COL16A1: variants seen among roughly 807,000 people sequenced by gnomAD.
COL16A1 encodes collagen type XVI alpha 1 chain, also known as collagen alpha-1(XVI) chain.
Under a neutral mutation model 266.3 loss-of-function variants are expected in COL16A1, and 189 were observed. That is an observed-to-expected ratio of 0.71 (90% CI 0.63 to 0.80). COL16A1 has a LOEUF of 0.80. Ranked by LOEUF, COL16A1 falls within the 30% of genes least tolerant of loss-of-function variation. The pLI is 0.00. For synonymous variants in COL16A1, 740 were observed against 782.3 expected (o/e 0.95, Z 0.90); for missense variants, 1,928 against 2,122.4 (o/e 0.91, Z 1.80).
At chr1:31,696,162 G>A in intron 8 of COL16A1, 21 bp from the exon 9 acceptor site, 1 of 1,612,770 alleles carries the variant, frequency 6.2e-7, no homozygotes, top group Non-Finnish European at 8.5e-7. Flanking sequence ...AGAGCAAAGA[G>A]AAACCCTTGA....
At position 31,702,286 on chromosome 1, in the gene COL16A1, C is replaced by T. The variant is rs573978196; in HGVS notation, c.-34-59G>A. 1.1e-5 allele frequency: 18 copies of T among 1,569,428 alleles called. No homozygotes were observed. In the East Asian group the frequency reaches 2.1e-4, roughly 18 times the overall value. On this transcript the variant is annotated intron_variant, in intron 1 of 70. Transcript: ENST00000373672. ...TGAGTTCACACAGCACAACTCCACA[C>T]GTGGGCAAGTCGTGGACAGCCTGTG... is the stretch of plus-strand genomic sequence containing the variant.
chr1:31,692,210 G>C (rs1644302211), intron 16 of COL16A1, 143 bp from the exon 17 acceptor site: 1 of 1,340,832 alleles, frequency 7.5e-7, no homozygotes, highest in Non-Finnish European at 1.0e-6. Flanking sequence ...CACCACGGGA[G>C]GGTAGACAAC....
At chr1:31,672,283 C>G (rs527456599) in intron 47 of COL16A1, 133 bp downstream of exon 47, 2 of 969,360 alleles carry the variant, frequency 2.1e-6, no homozygotes, top group South Asian at 3.2e-5. Flanking sequence ...AGAGAAGCCA[C>G]GTGCCAGGAG....
At position 31,698,298 on chromosome 1, in the gene COL16A1, G is replaced by C. The variant is rs115906776; in HGVS notation, c.391-126C>G. Reference sequence around the variant, plus strand: ...TGAGGCCCAGAAAGAGAAGAAAGCCGGCTGGGGTCAAGGAGCTATACATCC... The same window carrying C: ...TGAGGCCCAGAAAGAGAAGAAAGCCCGCTGGGGTCAAGGAGCTATACATCC... On this transcript the variant is annotated intron_variant, in intron 5 of 70. Transcript: ENST00000373672. This position sits in a 1 kb window ranked among gnomAD's most constrained non-coding sequence, Gnocchi z 4.1. The C allele has an allele frequency of 1.8e-5, 27 of 1,538,752 alleles. No individual in the cohort carries two copies. Among genetic ancestry groups the C allele is most frequent in the Non-Finnish European group, 2.4e-5 (27 of 1,146,068 alleles).
chr1:31,661,537 A>G, intron 59 of COL16A1, 79 bp from the exon 60 acceptor site: 2 of 1,613,172 alleles, frequency 1.2e-6, no homozygotes, highest in Non-Finnish European at 1.7e-6. Flanking sequence ...CTCAGTTCAA[A>G]CAATTCAAAC....
rs771702478 is a variant in COL16A1, at chr1:31,692,828, G to A, written c.1072-20C>T. 2.5e-6 allele frequency: 4 copies of A among 1,612,624 alleles called. No homozygotes were observed. Among genetic ancestry groups the A allele is most frequent in the Non-Finnish European group, 3.4e-6 (4 of 1,178,634 alleles). On this transcript the variant is annotated intron_variant, in intron 13 of 70. Coordinates refer to ENST00000373672, the MANE Select transcript of COL16A1 (RefSeq NM_001856.4). ...ATTGCCCTGGGAGTAGGGAACAAGG[G>A]ATCAGGGGTGGGAACTCCTGGGGAA...
chr1:31,666,532 A>T, intron 52 of COL16A1: 1 of 205,040 alleles, frequency 4.9e-6, no homozygotes, highest in South Asian at 8.6e-5. Flanking sequence ...TCTCTGACAC[A>T]CTCTATACCC....
At chr1:31,654,678 G>C in intron 68 of COL16A1, 114 bp downstream of exon 68, 6 of 1,581,756 alleles carry the variant, frequency 3.8e-6, no homozygotes, top group Non-Finnish European at 5.1e-6. Flanking sequence ...TGAGTGTGTG[G>C]AGGGTGAGAG....
chr1:31,665,523 G>A, intron 55 of COL16A1, 60 bp downstream of exon 55: 1 of 1,613,636 alleles, frequency 6.2e-7, no homozygotes, highest in Admixed American at 1.7e-5. Flanking sequence ...GCCTGGTCAG[G>A]CCTGCCCCTC....
rs370345310 is a variant in COL16A1 at position 31,685,690 on chromosome 1, G to A, written c.1965C>T (p.Ser655=). ...DVRVVALPGP[S]GEKGEPGPPG... is the part of the protein sequence containing the mutation. Reference sequence around the variant, plus strand: ...GAGGCCCAGGTTCCCCCTTCTCTCCGGATGGGCCAGGCAAGGCCACCACAC... The same window carrying A: ...GAGGCCCAGGTTCCCCCTTCTCTCCAGATGGGCCAGGCAAGGCCACCACAC... The change falls in exon 29 of 71, where the codon TCC becomes TCT. Residue 655 remains serine, a synonymous_variant. Coordinates refer to ENST00000373672, the MANE Select transcript of COL16A1 (RefSeq NM_001856.4). This position sits in a 1 kb window ranked among gnomAD's most constrained non-coding sequence, Gnocchi z 4.0. 5.2e-5 allele frequency: 84 copies of A among 1,613,936 alleles called. No individual in the cohort carries two copies. The highest frequency in any genetic ancestry group is 3.1e-4 in the East Asian group (14 of 44,874).
At position 31,691,648 on chromosome 1, in the gene COL16A1, G is replaced by C. The variant is rs774387411; in HGVS notation, c.1258-6C>G. 2.5e-6 allele frequency: 4 copies of C among 1,612,906 alleles called. No individual in the cohort carries two copies. In the South Asian group the frequency reaches 4.4e-5, roughly 18 times the overall value. ...CAGATCTCTCCTGGCCGGCCCTGTG[G>C]GGGGATAAGGGGGAGGGTGTACAAA... On this transcript the variant is annotated splice_polypyrimidine_tract_variant and splice_region_variant and intron_variant, in intron 17 of 70. Transcript: ENST00000373672.
intron 42 of COL16A1, 131 bp from the exon 43 acceptor site, chr1:31,675,442 G>C: frequency 7.4e-7 from 1 of 1,354,610 alleles, no homozygotes; most frequent in Non-Finnish European, 1.0e-6. Flanking sequence ...CTGGCACAAG[G>C]CTGACATCTA....
chr1:31,653,521 C>G, intron 70 of COL16A1, 78 bp downstream of exon 70: 1 of 1,493,258 alleles, frequency 6.7e-7, no homozygotes, highest in Non-Finnish European at 9.0e-7. Context: ...TTTGACACAG[C>G]TGTGTCATAG....
chr1:31,682,058 G>T (rs138409953), intron 37 of COL16A1, among the ~76,000 whole-genome samples: 1 of 152,186 alleles, frequency 6.6e-6, no homozygotes, highest in Non-Finnish European at 1.5e-5. Flanking sequence ...GACAAATTAC[G>T]CATTTGCCCA....
chr1:31,690,265 A>C, intron 22 of COL16A1, 102 bp downstream of exon 22: 1 of 1,542,760 alleles, frequency 6.5e-7, no homozygotes, highest in Non-Finnish European at 8.8e-7. Flanking sequence ...CCCCTGAGGA[A>C]GGTCCAGCAC....
At chr1:31,691,131 C>G (rs971306819) in intron 20 of COL16A1, 57 bp downstream of exon 20, 8 of 1,587,964 alleles carry the variant, frequency 5.0e-6, no homozygotes, top group Admixed American at 1.8e-5. Flanking sequence ...GGCCCCTTCT[C>G]TCTCCTCCTG....
chr1:31,692,116 CA>C, intron 16 of COL16A1, 49 bp from the exon 17 acceptor site: 1 of 1,611,900 alleles, frequency 6.2e-7, no homozygotes, highest in Admixed American at 1.7e-5. Flanking sequence ...GGGCCTGGGA[CA>C]GCTGGGCAGC....
intron 37 of COL16A1, among the ~76,000 whole-genome samples, chr1:31,681,459 G>A (rs558653179): frequency 6.6e-6 from 1 of 152,222 alleles, no homozygotes; most frequent in Non-Finnish European, 1.5e-5. Context: ...TCCCTTTAGT[G>A]CTTGATACAC....
Position 31,654,047 on chromosome 1 carries a change from TA to T in COL16A1, c.4358-5del. Reference sequence around the variant, plus strand: ...GAGGTGTAGTAAGCCATTCTCTCTGTAAAAAAAGGACAAGGACAGGGACAGG... The same window carrying T: ...GAGGTGTAGTAAGCCATTCTCTCTGTAAAAAAGGACAAGGACAGGGACAGG... On this transcript the variant is annotated splice_region_variant and splice_polypyrimidine_tract_variant and intron_variant, in intron 68 of 70. Coordinates refer to ENST00000373672, the MANE Select transcript of COL16A1 (RefSeq NM_001856.4). 6.2e-7 allele frequency: 1 copy of T among 1,610,738 alleles called. No individual in the cohort carries two copies. Among genetic ancestry groups the T allele is most frequent in the Non-Finnish European group, 8.5e-7 (1 of 1,178,274 alleles).
Sources: gnomAD v4.1 joint callset for allele counts (sites outside exome capture counted in the v4.1 genomes callset) on GRCh38, gnomAD v4.1.1 for gene constraint, Gnocchi (gnomAD v3.1) non-coding constraint, MANE v1.5 for transcripts, NCBI Gene and HGNC (gene_info 2026-07-23, HGNC 2026-07-21) for gene names.